Variants in CCT8 observed in about 807,000 individuals in gnomAD.
The protein encoded by CCT8 is T-complex protein 1 subunit theta.
CCT8 carries 10 observed loss-of-function variants against 65.7 expected under a neutral mutation model. That is an observed-to-expected ratio of 0.15 (90% CI 0.09 to 0.26). The LOEUF (loss-of-function observed/expected upper bound fraction) is 0.26, where lower values mean the gene tolerates loss of function less well. CCT8 is among the 10% of genes least tolerant of loss of function. The pLI is 1.00. For missense variants in CCT8, 568 were observed against 669.1 expected (o/e 0.85, Z 1.67); for synonymous variants, 199 against 221.8 (o/e 0.90, Z 0.92).
intron 14 of CCT8, among the ~76,000 whole-genome samples, chr21:29,056,862 G>A (rs947766659): frequency 5.9e-5 from 9 of 152,146 alleles, no homozygotes; most frequent in Non-Finnish European, 1.2e-4. Flanking sequence ...TGCATCACTG[G>A]TGTAAGTCGG....
At chr21:29,066,368 C>T (rs1428074240) in intron 6 of CCT8, among the ~76,000 whole-genome samples, 3 of 152,046 alleles carry the variant, frequency 2.0e-5, no homozygotes, top group African/African-American at 7.3e-5. Context: ...CGGAGAAACC[C>T]CATCTCTACT....
At chr21:29,056,673 A>G (rs112843637) in intron 14 of CCT8, 121 bp from the exon 15 acceptor site, 4 of 486,496 alleles carry the variant, frequency 8.2e-6, no homozygotes, top group African/African-American at 5.9e-5. Context: ...TGTACTGCAT[A>G]TAAAACACTA....
chr21:29,067,078 CAT>C lies in CCT8; in HGVS notation c.382-9_382-8del. 3 of 1,590,906 alleles carry C rather than the reference CAT, an allele frequency of 1.9e-6. No individual in the cohort carries two copies. The highest frequency in any genetic ancestry group is 2.6e-6 in the Non-Finnish European group (3 of 1,166,340). On this transcript the variant is annotated splice_polypyrimidine_tract_variant and splice_region_variant and intron_variant, in intron 4 of 14. Transcript: ENST00000286788. ...TTTCATAACCTTCTATGACCTAAAA[CAT>C]AAACAACATTTCCTATTCTGACATG...
Position 29,062,522 on chromosome 21 carries a change from T to C in CCT8, c.976A>G (p.Lys326Glu). The change falls in exon 9 of 15, where the codon AAA becomes GAA. Residue 326 changes from lysine (K) to glutamate (E), a missense_variant. By Grantham distance (56) the Lys-to-Glu change is moderately conservative (BLOSUM62 1). Transcript: ENST00000286788. ...GGAAGAGCTGTAGCACCAACAGTTT[T>C]ACAAAGTCTTCGGAGATCCCATTTT... ...NSKWDLRRLC[K>E]TVGATALPRL... The C allele has an allele frequency of 6.2e-7, 1 of 1,614,002 alleles. No homozygotes were observed.
intron 6 of CCT8, among the ~76,000 whole-genome samples, chr21:29,065,879 G>A (rs746625790): frequency 4.6e-5 from 7 of 151,948 alleles, no homozygotes; most frequent in African/African-American, 9.7e-5. Flanking sequence ...TCAGGAGTTC[G>A]AGACCAGCCT....
intron 1 of CCT8, 199 bp downstream of exon 1, chr21:29,073,332 G>T: frequency 7.1e-7 from 1 of 1,415,826 alleles, no homozygotes; most frequent in Non-Finnish European, 9.2e-7. Context: ...GCCTTCTCCC[G>T]GTCGCGGAAG....
intron 14 of CCT8, among the ~76,000 whole-genome samples, chr21:29,057,746 T>C (rs2085517434): frequency 1.1e-5 from 1 of 90,832 alleles, no homozygotes; most frequent in Admixed American, 1.0e-4. Flanking sequence ...ATATATATCA[T>C]GTATATGTAT....
rs1426015772 is a variant in CCT8 at position 29,065,078 on chromosome 21, A to G, written c.652T>C (p.Leu218=). The G allele has an allele frequency of 6.2e-7, 1 of 1,614,088 alleles. No individual in the cohort carries two copies. Among genetic ancestry groups the G allele is most frequent in the African/African-American group, 1.3e-5 (1 of 75,062 alleles). Residue 218 remains leucine, a synonymous_variant, in exon 7 of 15, where the codon TTG becomes CTG. Coordinates refer to ENST00000286788, the MANE Select transcript of CCT8 (RefSeq NM_006585.4). ...LGSGISSSSV[L]HGMVFKKETE... ...TCCTTCTTAAAAACCATGCCATGCA[A>G]TACTGAAGAGGAACTGATACCAGAG... is the stretch of plus-strand genomic sequence containing the variant.
chr21:29,065,350 A>G (rs566603494), intron 6 of CCT8, among the ~76,000 whole-genome samples: 1 of 152,320 alleles, frequency 6.6e-6, no homozygotes, highest in Admixed American at 6.5e-5. Flanking sequence ...GAAGAACCAA[A>G]GGCAGAGAAC....
intron 2 of CCT8, among the ~76,000 whole-genome samples, 169 bp downstream of exon 2, chr21:29,070,076 ATG>A (rs1259015212): frequency 2.6e-5 from 4 of 152,136 alleles, no homozygotes; most frequent in Admixed American, 6.5e-5. Context: ...TTCTAAAGAG[ATG>A]TGAGTTGATT....
At chr21:29,064,409 TAAAA>T (rs34760776) in intron 7 of CCT8, among the ~76,000 whole-genome samples, 318 of 26,724 alleles carry the variant, frequency 0.012, 3 homozygotes, top group African/African-American at 0.051. Flanking sequence ...AGCAAGACTC[TAAAA>T]AAAAAAAAAA....
In CCT8 at chr21:29,062,432, G is replaced by C; in HGVS notation, c.1009-17C>G. On this transcript the variant is annotated splice_polypyrimidine_tract_variant and intron_variant, in intron 9 of 14. Transcript: ENST00000286788. Reference sequence around the variant, plus strand: ...AGGAGGTGTCTGTAAGAAAGTGACTGTTGTAATAAAAATTCCATCTTGTTC... The same window carrying C: ...AGGAGGTGTCTGTAAGAAAGTGACTCTTGTAATAAAAATTCCATCTTGTTC... 6.2e-7 allele frequency: 1 copy of C among 1,611,006 alleles called. No homozygotes were observed. The highest frequency in any genetic ancestry group is 8.5e-7 in the Non-Finnish European group (1 of 1,177,274).
chr21:29,061,441 C>T (rs368274683), intron 12 of CCT8, 24 bp from the exon 13 acceptor site: 4 of 1,613,802 alleles, frequency 2.5e-6, no homozygotes, highest in Admixed American at 1.7e-5. Flanking sequence ...GCGTTAATTA[C>T]TGTCTTTTAT....
At position 29,061,481 on chromosome 21, in the gene CCT8, C is replaced by G. The variant is rs1235496977; in HGVS notation, c.1284+15G>C. 1 of 1,613,506 alleles carries G rather than the reference C, an allele frequency of 6.2e-7. No homozygotes were observed. The highest frequency in any genetic ancestry group is 1.3e-5 in the African/African-American group (1 of 74,950). ...GCAATGGAAAGAAAGTCAATTTATA[C>G]AGAAAAAGCTGTACCTCTCCATATG... On this transcript the variant is annotated intron_variant, in intron 12 of 14. Transcript: ENST00000286788.
At chr21:29,062,787 A>G (rs539799907) in intron 8 of CCT8, 1 of 557,072 alleles carries the variant, frequency 1.8e-6, no homozygotes, top group African/African-American at 1.9e-5. Flanking sequence ...CCTGTGTTGT[A>G]TGGCATTGTT....
rs923374242 is a variant in CCT8, at chr21:29,063,230, A to G, written c.941+122T>C. 58 of 704,894 alleles carry G rather than the reference A, an allele frequency of 8.2e-5. No individual in the cohort carries two copies. The South Asian group carries it at 1.0e-3, about 12-fold the overall frequency. The allele number at this position is 704,894 out of a possible 1,614,324, so 43.7% of individuals were successfully genotyped here. A position where few individuals can be genotyped will look rare whatever the true frequency, so the allele number is the denominator to read the frequency against. ...CCTCCCCAAACTAAATCCTTCTGCT[A>G]TTTGACCTAGTACCTTTACTTTCCC... On this transcript the variant is annotated intron_variant, in intron 8 of 14. Transcript: ENST00000286788.
Position 29,067,012 on chromosome 21 carries a change from T to A in CCT8, c.441A>T (p.Val147=). Residue 147 remains valine (V), a synonymous_variant, in exon 5 of 15, where the codon GTA becomes GTT. Coordinates refer to ENST00000286788, the MANE Select transcript of CCT8 (RefSeq NM_006585.4). The part of the protein sequence containing the change: ...RKAHEILPNL[V]CCSAKNLRDI... ...CTCGAAGGTTTTTTGCAGAACAACA[T>A]ACCAAATTAGGAAGAATCTCATGAG... 2.5e-6 allele frequency: 4 copies of A among 1,613,664 alleles called. No individual in the cohort carries two copies. The highest frequency in any genetic ancestry group is 3.4e-6 in the Non-Finnish European group (4 of 1,179,742).
chr21:29,071,148 T>C (rs1177797825), intron 1 of CCT8, among the ~76,000 whole-genome samples: 3 of 152,196 alleles, frequency 2.0e-5, no homozygotes, highest in Non-Finnish European at 4.4e-5. Context: ...ACTAGCTACA[T>C]ACATGGGGCT....
Position 29,066,759 on chromosome 21 carries a change from G to T in CCT8, c.581C>A (p.Ser194Tyr). ...AQACVSIFPD[S>Y]GHFNVDNIRV... ...GATGTTATCAACATTGAAATGGCCG[G>T]AATCAGGAAAAATAGATACTGTTAA... The change falls in exon 6 of 15, where the codon TCC becomes TAC. Residue 194 changes from serine to tyrosine, a missense_variant. Transcript: ENST00000286788. 1.2e-6 allele frequency: 2 copies of T among 1,607,408 alleles called. No individual in the cohort carries two copies. Among genetic ancestry groups the T allele is most frequent in the Non-Finnish European group, 1.7e-6 (2 of 1,177,146 alleles).
Sources: gnomAD v4.1 joint callset for allele counts (sites outside exome capture counted in the v4.1 genomes callset) on GRCh38, gnomAD v4.1.1 for gene constraint, MANE v1.5 for transcripts, NCBI Gene and HGNC (gene_info 2026-07-23, HGNC 2026-07-21) for gene names.